DERL1: variants seen among roughly 807,000 people sequenced by gnomAD.
The protein encoded by DERL1 is derlin 1.
A neutral mutation model predicts 41.6 loss-of-function variants in DERL1; 24 were observed. The observed-to-expected ratio is 0.58, with a 90% CI of 0.42 to 0.81. The LOEUF (loss-of-function observed/expected upper bound fraction) is 0.81, where lower values mean the gene tolerates loss of function less well. Among genes scored for constraint, DERL1 ranks in the 30% least tolerant of loss-of-function variants. The pLI is 0.00. For missense variants in DERL1, 260 were observed against 314.3 expected (o/e 0.83, Z 1.31); for synonymous variants, 124 against 112.5 (o/e 1.10, Z -0.65).
intron 1 of DERL1, among the ~76,000 whole-genome samples, chr8:123,034,606 G>A (rs921294262): frequency 5.3e-5 from 8 of 152,198 alleles, no homozygotes; most frequent in African/African-American, 1.9e-4. Context: ...ATCCCAGACA[G>A]TCTGACTCCA....
At chr8:123,028,661 C>T (rs968299931) in intron 2 of DERL1, among the ~76,000 whole-genome samples, 1 of 152,154 alleles carries the variant, frequency 6.6e-6, no homozygotes, top group African/African-American at 2.4e-5. Context: ...ACTTTTCCCT[C>T]CACTTTTGCA....
intron 2 of DERL1, among the ~76,000 whole-genome samples, chr8:123,028,427 T>C (rs1002848781): frequency 3.3e-5 from 5 of 152,034 alleles, no homozygotes; most frequent in Non-Finnish European, 7.4e-5. Context: ...GGAAAGTAGA[T>C]TAGTGGTTGC....
At chr8:123,020,543 T>C (rs541959940) in intron 6 of DERL1, among the ~76,000 whole-genome samples, 58 of 152,142 alleles carry the variant, frequency 3.8e-4, no homozygotes, top group African/African-American at 1.3e-3. Context: ...TTAGAGAAGT[T>C]GCATCTTGGT....
At chr8:123,028,018 C>T (rs560655746) in intron 2 of DERL1, among the ~76,000 whole-genome samples, 2 of 145,850 alleles carry the variant, frequency 1.4e-5, no homozygotes, top group African/African-American at 2.5e-5. Context: ...GCTGAGATCA[C>T]GCTACTGCAC....
intron 5 of DERL1, among the ~76,000 whole-genome samples, chr8:123,021,980 C>T (rs1223320190): frequency 6.6e-6 from 1 of 152,098 alleles, no homozygotes; most frequent in African/African-American, 2.4e-5. Context: ...TAATACTCTC[C>T]CAAATAAGAA....
chr8:123,030,077 A>T (rs144495221), intron 2 of DERL1, among the ~76,000 whole-genome samples: 3 of 152,006 alleles, frequency 2.0e-5, no homozygotes, highest in African/African-American at 7.2e-5. Flanking sequence ...ATAAATAAAT[A>T]AAATAAAATA....
rs1018535591 is a variant in DERL1 at position 123,023,720 on chromosome 8, T to A, written c.350A>T (p.Asp117Val). ...GTTTAAATGGACACTTACCTGCATATCCATTGCTAAGCCAGTAATCTTGGT... is the reference window on the plus strand; with the variant it reads ...GTTTAAATGGACACTTACCTGCATAACCATTGCTAAGCCAGTAATCTTGGT... ...ICIVITGLAMDMQLLMIPLIM... is the reference protein window; with the variant it reads ...ICIVITGLAMVMQLLMIPLIM... The change falls in exon 4 of 8, where the codon GAT becomes GTT. Residue 117 changes from aspartate to valine, a missense_variant. By Grantham distance (152) the Asp-to-Val change is radical. Coordinates refer to ENST00000259512, the MANE Select transcript of DERL1 (RefSeq NM_024295.6). The A allele has an allele frequency of 1.9e-6, 3 of 1,609,340 alleles. No individual in the cohort carries two copies. Among genetic ancestry groups the A allele is most frequent in the Non-Finnish European group, 2.5e-6 (3 of 1,177,978 alleles).
chr8:123,036,662 A>G (rs1447886864), intron 1 of DERL1, among the ~76,000 whole-genome samples: 1 of 152,238 alleles, frequency 6.6e-6, no homozygotes, highest in Non-Finnish European at 1.5e-5. Context: ...AGAACACAGC[A>G]GAACTGTTCA....
At chr8:123,027,687 A>C (rs1812732791) in intron 2 of DERL1, among the ~76,000 whole-genome samples, 2 of 152,212 alleles carry the variant, frequency 1.3e-5, no homozygotes, top group African/African-American at 4.8e-5. Context: ...AGAGAGAATA[A>C]CATTACAATT....
intron 5 of DERL1, among the ~76,000 whole-genome samples, 173 bp downstream of exon 5, chr8:123,022,511 T>C (rs889845518): frequency 3.9e-5 from 6 of 152,078 alleles, no homozygotes; most frequent in Admixed American, 2.0e-4. Flanking sequence ...AGCAACGGAC[T>C]CCAGGCTGGC....
At chr8:123,037,071 T>C (rs750365432) in intron 1 of DERL1, among the ~76,000 whole-genome samples, 2 of 152,170 alleles carry the variant, frequency 1.3e-5, no homozygotes, top group African/African-American at 2.4e-5. Flanking sequence ...CAATTACTAA[T>C]TAAAATTAGA....
intron 1 of DERL1, among the ~76,000 whole-genome samples, chr8:123,030,956 T>C (rs1391522973): frequency 6.6e-6 from 1 of 152,192 alleles, no homozygotes; most frequent in East Asian, 1.9e-4. Context: ...TCTAAACAAG[T>C]TGAAACAAAA....
chr8:123,042,050 C>A lies in DERL1; in HGVS notation c.73G>T (p.Val25Leu). ...TRYWFAATVA[V>L]PLVGKLGLIS... Reference sequence around the variant, plus strand: ...AGGCCGAGTTTGCCGACCAAGGGCACGGCGACGGTGGCGGCGAACCAATAG... The same window carrying A: ...AGGCCGAGTTTGCCGACCAAGGGCAAGGCGACGGTGGCGGCGAACCAATAG... Residue 25 changes from valine to leucine, a missense_variant, in exon 1 of 8, where the codon GTG becomes TTG. Val to Leu is a conservative substitution (Grantham distance 32, BLOSUM62 1). Coordinates refer to ENST00000259512, the MANE Select transcript of DERL1 (RefSeq NM_024295.6). 1.2e-6 allele frequency: 2 copies of A among 1,613,846 alleles called. No homozygotes were observed. The highest frequency in any genetic ancestry group is 8.5e-7 in the Non-Finnish European group (1 of 1,179,886).
intron 6 of DERL1, 69 bp from the exon 7 acceptor site, chr8:123,019,374 C>A: frequency 8.9e-7 from 1 of 1,127,150 alleles, no homozygotes; most frequent in Non-Finnish European, 1.3e-6. Flanking sequence ...TAACTAATAG[C>A]ATAAGGAAGA....
chr8:123,042,018 G>A lies in DERL1; in HGVS notation c.105C>T (p.Ser35=), dbSNP rs1813089806. The change falls in exon 1 of 8, where the codon AGC becomes AGT. Residue 35 remains serine, a synonymous_variant. Transcript: ENST00000259512. ...VPLVGKLGLI[S]PAYLFLWPEA... ...CGGGCCAGAGGAAGAGGTAGGCCGG[G>A]CTGATGAGGCCGAGTTTGCCGACCA... is the stretch of plus-strand genomic sequence containing the variant. The A allele has an allele frequency of 1.2e-6, 2 of 1,613,814 alleles. No individual in the cohort carries two copies. The highest frequency in any genetic ancestry group is 1.7e-6 in the Non-Finnish European group (2 of 1,179,912).
chr8:123,034,289 TA>T (rs1304768070), intron 1 of DERL1, among the ~76,000 whole-genome samples: 4 of 152,226 alleles, frequency 2.6e-5, no homozygotes, highest in Non-Finnish European at 5.9e-5. Flanking sequence ...AAGAAACGTG[TA>T]TTAAACCAGA....
At chr8:123,023,935 T>C (rs189563254) in intron 3 of DERL1, among the ~76,000 whole-genome samples, 196 bp from the exon 4 acceptor site, 230 of 152,330 alleles carry the variant, frequency 1.5e-3, no homozygotes, top group African/African-American at 5.4e-3. Context: ...CTGGGCAACA[T>C]AGCAAGACCC....
intron 7 of DERL1, chr8:123,016,791 A>G (rs1443793374): frequency 1.3e-5 from 2 of 152,008 alleles, no homozygotes; most frequent in Non-Finnish European, 2.9e-5. Context: ...TTTACATCAT[A>G]CTCGATACCT....
At chr8:123,032,142 T>TA (rs1563634093) in intron 1 of DERL1, among the ~76,000 whole-genome samples, 1 of 149,680 alleles carries the variant, frequency 6.7e-6, no homozygotes, top group Non-Finnish European at 1.5e-5. Flanking sequence ...TACATTTTTT[T>TA]TTTCCCCCCC....
Sources: allele counts gnomAD v4.1 joint callset (sites outside exome capture counted in the v4.1 genomes callset), GRCh38; gene constraint gnomAD v4.1.1; transcripts MANE v1.5; gene names NCBI Gene and HGNC (gene_info 2026-07-23, HGNC 2026-07-21).